AQP8: variants seen among roughly 807,000 people sequenced by gnomAD.
AQP8 encodes the protein aquaporin 8, also known as aquaporin-8.
Under a neutral mutation model 26.1 loss-of-function variants are expected in AQP8, and 14 were observed. That is an observed-to-expected ratio of 0.54 (90% CI 0.35 to 0.84). The LOEUF is 0.84. Ranked by LOEUF, AQP8 falls within the 40% of genes least tolerant of loss-of-function variation. AQP8 has a pLI of 0.01. For missense variants in AQP8, 301 were observed against 340.5 expected (o/e 0.88, Z 0.91); for synonymous variants, 131 against 150.7 (o/e 0.87, Z 0.96).
Position 25,217,015 on chromosome 16 carries a change from A to T in AQP8, c.-31A>T. ...GTGCAGGTTTCCCAGCAGCTCAGGC[A>T]AGAGTCCGATGTTTGTGCCATCTGA... On this transcript the variant is annotated 5_prime_UTR_variant, in exon 1 of 6. Transcript: ENST00000219660. The T allele has an allele frequency of 6.2e-7, 1 of 1,613,896 alleles. No homozygotes were observed. The highest frequency in any genetic ancestry group is 1.1e-5 in the South Asian group (1 of 91,086).
At chr16:25,218,225 C>T (rs748257040) in intron 2 of AQP8, among the ~76,000 whole-genome samples, 3 of 152,178 alleles carry the variant, frequency 2.0e-5, no homozygotes, top group Non-Finnish European at 4.4e-5. Flanking sequence ...ATTGTTACCA[C>T]TAGAAGGGGG....
At chr16:25,227,341 G>A (rs1567345514) in intron 5 of AQP8, 139 bp downstream of exon 5, 6 of 1,054,804 alleles carry the variant, frequency 5.7e-6, no homozygotes, top group Admixed American at 5.4e-5. Flanking sequence ...CAAAGAAAAT[G>A]GCTCCATCTA....
At chr16:25,224,246 G>A (rs1230392619) in intron 3 of AQP8, 116 bp from the exon 4 acceptor site, 12 of 925,088 alleles carry the variant, frequency 1.3e-5, no homozygotes, top group Non-Finnish European at 1.8e-5. Context: ...AACTGAAATT[G>A]GACATAACCC....
chr16:25,221,209 G>A (rs1962558090), intron 2 of AQP8, among the ~76,000 whole-genome samples: 1 of 152,132 alleles, frequency 6.6e-6, no homozygotes, highest in Non-Finnish European at 1.5e-5. Context: ...CTCCCTACAC[G>A]CTCTTCCTCC....
intron 3 of AQP8, among the ~76,000 whole-genome samples, chr16:25,222,741 C>T (rs553509982): frequency 6.6e-6 from 1 of 152,188 alleles, no homozygotes; most frequent in African/African-American, 2.4e-5. Context: ...GCTGTAAGTG[C>T]TGACCCACCG....
At chr16:25,217,127 TG>T in intron 1 of AQP8, 70 bp downstream of exon 1, 1 of 1,613,398 alleles carries the variant, frequency 6.2e-7, no homozygotes, top group Non-Finnish European at 8.5e-7. Flanking sequence ...AATTCAAGGT[TG>T]GGGGTCGGGG....
Position 25,217,324 on chromosome 16 carries a change from C to G in AQP8, c.139C>G (p.Leu47Val). The change falls in exon 2 of 6, where the codon CTC becomes GTC. Residue 47 changes from leucine (L) to valine (V), a missense_variant. Leu to Val is a conservative substitution (Grantham distance 32). Coordinates refer to ENST00000219660, the MANE Select transcript of AQP8 (RefSeq NM_001169.3). ...TCTGGTCGAACTGCTGGGCTCTGCT[C>G]TCTTCATCTTCATCGGGTGCCTGTC... Reference protein sequence around the residue: ...PCLVELLGSALFIFIGCLSVI... With the variant: ...PCLVELLGSAVFIFIGCLSVI... 1 of 1,614,140 alleles carries G rather than the reference C, an allele frequency of 6.2e-7. No individual in the cohort carries two copies. The highest frequency in any genetic ancestry group is 1.3e-5 in the African/African-American group (1 of 75,038).
chr16:25,217,277 AC>A lies in AQP8; in HGVS notation c.93del (p.Tyr31Ter), dbSNP rs780685414. The A allele has an allele frequency of 3.5e-5, 56 of 1,614,044 alleles. No homozygotes were observed. Among genetic ancestry groups the A allele is most frequent in the Non-Finnish European group, 4.5e-5 (53 of 1,180,044 alleles). On this transcript the variant is annotated frameshift_variant, in exon 2 of 6. Transcript: ENST00000219660. LOFTEE classifies it high-confidence loss of function. The part of the protein sequence containing the change: ...SVGGRWRVSW[Y>X]ERFVQPCLVE... ...GGTGGCAGGTGGCGAGTGTCCTGGT[AC>A]GAACGGTTTGTGCAGCCATGTCTGG...
At chr16:25,221,642 A>C in intron 3 of AQP8, 59 bp downstream of exon 3, 1 of 1,604,046 alleles carries the variant, frequency 6.2e-7, no homozygotes. Context: ...CTGGAGGTGC[A>C]TATGTGGGTG....
Position 25,228,555 on chromosome 16 carries a change from A to T in AQP8, c.*63A>T, listed in dbSNP as rs1466849656. ...TCAGCTCACCTGTCCCAGACTGAGG[A>T]CAGGGGAGTTCCTGCATTTCCTGCC... On this transcript the variant is annotated 3_prime_UTR_variant, in exon 6 of 6. Coordinates refer to ENST00000219660, the MANE Select transcript of AQP8 (RefSeq NM_001169.3). 1 of 1,566,056 alleles carries T rather than the reference A, an allele frequency of 6.4e-7. No individual in the cohort carries two copies. Among genetic ancestry groups the T allele is most frequent in the East Asian group, 2.2e-5 (1 of 44,584 alleles).
chr16:25,224,704 G>T (rs2287799), intron 4 of AQP8, 128 bp downstream of exon 4: 388,356 of 927,362 alleles, frequency 0.42, 85,431 homozygotes, highest in African/African-American at 0.69. Context: ...AATGGGGAGG[G>T]GGGCTGGCAT....
At chr16:25,225,675 C>T (rs1962622000) in intron 4 of AQP8, among the ~76,000 whole-genome samples, 1 of 151,992 alleles carries the variant, frequency 6.6e-6, no homozygotes, top group South Asian at 2.1e-4. Flanking sequence ...TCCCAAAGTG[C>T]TGGGATTACA....
rs754114408 is a variant in AQP8 at position 25,227,162 on chromosome 16, G to A, written c.697G>A (p.Gly233Ser). ...HWNFHWIYWL[G>S]PLLAGLLVGL... ...GAACTTCCACTGGATCTACTGGCTG[G>A]GCCCACTCCTGGCTGGCCTGCTTGT... The change falls in exon 5 of 6, where the codon GGC becomes AGC. Residue 233 changes from glycine (G) to serine (S), a missense_variant. Transcript: ENST00000219660. The A allele has an allele frequency of 9.3e-6, 15 of 1,614,116 alleles. No homozygotes were observed. The highest frequency in any genetic ancestry group is 1.2e-5 in the Non-Finnish European group (14 of 1,180,038).
Position 25,217,340 on chromosome 16 carries a change from G to T in AQP8, c.155G>T (p.Gly52Val), listed in dbSNP as rs2141750846. 6.2e-7 allele frequency: 1 copy of T among 1,614,084 alleles called. No homozygotes were observed. Among genetic ancestry groups the T allele is most frequent in the South Asian group, 1.1e-5 (1 of 91,080 alleles). Residue 52 changes from glycine to valine, a missense_variant, in exon 2 of 6, where the codon GGG becomes GTG. Physicochemically the swap from Gly to Val is moderately radical, Grantham distance 109. Coordinates refer to ENST00000219660, the MANE Select transcript of AQP8 (RefSeq NM_001169.3). The stretch of plus-strand genomic sequence containing the variant: ...GGCTCTGCTCTCTTCATCTTCATCG[G>T]GTGCCTGTCGGTCATTGAGAATGGG... Reference protein sequence around the residue: ...LLGSALFIFIGCLSVIENGTD... With the variant: ...LLGSALFIFIVCLSVIENGTD...
intron 2 of AQP8, among the ~76,000 whole-genome samples, chr16:25,218,995 T>C (rs1384137983): frequency 6.6e-6 from 1 of 151,490 alleles, no homozygotes; most frequent in African/African-American, 2.4e-5. Context: ...GGATCTGAGA[T>C]TGAAGGCAAC....
intron 2 of AQP8, 63 bp downstream of exon 2, chr16:25,217,508 G>A: frequency 6.3e-7 from 1 of 1,586,514 alleles, no homozygotes; most frequent in African/African-American, 1.3e-5. Flanking sequence ...GGAAAGCAAA[G>A]GCGTTGTCAA....
intron 4 of AQP8, among the ~76,000 whole-genome samples, chr16:25,226,738 A>G (rs919169661): frequency 1.1e-3 from 173 of 152,182 alleles, no homozygotes; most frequent in African/African-American, 4.1e-3. Context: ...CTCCAAAAGG[A>G]TTGAAACTGA....
Position 25,224,361 on chromosome 16 carries a change from G to T in AQP8, c.388-1G>T, listed in dbSNP as rs1567344493. ...TGAGGCTCAGCAGCTTCTCTGTGCA[G>T]GCGGTGAGTCCTGAGGAGAGGTTCT... is the stretch of plus-strand genomic sequence containing the variant. On this transcript the variant is annotated splice_acceptor_variant, in intron 3 of 5. Transcript: ENST00000219660. LOFTEE classifies it high-confidence loss of function. The T allele has an allele frequency of 6.2e-7, 1 of 1,610,282 alleles. No individual in the cohort carries two copies. The highest frequency in any genetic ancestry group is 8.5e-7 in the Non-Finnish European group (1 of 1,177,658).
At chr16:25,219,254 G>A (rs538436506) in intron 2 of AQP8, among the ~76,000 whole-genome samples, 2 of 151,560 alleles carry the variant, frequency 1.3e-5, no homozygotes, top group East Asian at 3.9e-4. Context: ...GTTGAGCTTT[G>A]AACCCAGGCC....
Sources: allele counts gnomAD v4.1 joint callset (sites outside exome capture counted in the v4.1 genomes callset), GRCh38; gene constraint gnomAD v4.1.1; transcripts MANE v1.5; gene names NCBI Gene and HGNC (gene_info 2026-07-23, HGNC 2026-07-21).